The following ACACA variants were observed in gnomAD, a reference collection of about 807,000 sequenced individuals.
ACACA encodes the protein acetyl-CoA carboxylase alpha.
A neutral mutation model predicts 296.1 loss-of-function variants in ACACA; 103 were observed. That is an observed-to-expected ratio of 0.35 (90% confidence interval 0.30 to 0.41). The LOEUF is 0.41. Ranked by LOEUF, ACACA falls within the 10% of genes least tolerant of loss-of-function variation. The probability of loss-of-function intolerance (pLI) is 1.00; values close to 1 mark genes in which losing one functional copy is unlikely to be tolerated. For synonymous variants in ACACA, 953 were observed against 1,038.6 expected, an observed-to-expected ratio of 0.92 and a Z score of 1.58; for missense variants, 1,554 against 2,989.7, an observed-to-expected ratio of 0.52 and a Z score of 11.20.
intron 1 of ACACA, among the ~76,000 whole-genome samples, chr17:37,360,870 C>T (rs1447483572): frequency 1.3e-5 from 2 of 151,858 alleles, no homozygotes; most frequent in South Asian, 4.2e-4. Flanking sequence ...TTTGACTCAC[C>T]GAAAAAAATG....
chr17:37,388,907 T>C, intron 1 of ACACA: 1 of 1,358,624 alleles, frequency 7.4e-7, no homozygotes, highest in Non-Finnish European at 1.0e-6. Context: ...TGAGGAGATG[T>C]GCCACTCACA....
At chr17:37,298,968 A>T (rs1337326463) in intron 3 of ACACA, among the ~76,000 whole-genome samples, 1 of 152,188 alleles carries the variant, frequency 6.6e-6, no homozygotes, top group Non-Finnish European at 1.5e-5. Flanking sequence ...CCAGGGAGTA[A>T]ATCTGATACA....
intron 18 of ACACA, 167 bp downstream of exon 18, chr17:37,247,844 A>G (rs762524409): frequency 1.5e-5 from 11 of 739,344 alleles, no homozygotes; most frequent in Non-Finnish European, 2.4e-5. Flanking sequence ...TTTTAATTAT[A>G]AACACTTTAA....
At chr17:37,106,396 A>G (rs1473547636) in intron 52 of ACACA, among the ~76,000 whole-genome samples, 1 of 152,140 alleles carries the variant, frequency 6.6e-6, no homozygotes, top group African/African-American at 2.4e-5. Flanking sequence ...GCTTTTCTTC[A>G]AAGGGGGCCA....
intron 1 of ACACA, among the ~76,000 whole-genome samples, chr17:37,395,912 G>T (rs1475006445): frequency 2.0e-5 from 3 of 152,222 alleles, no homozygotes; most frequent in Non-Finnish European, 4.4e-5. Context: ...AAGATAGGTA[G>T]TTGCTTAGGG....
intron 52 of ACACA, among the ~76,000 whole-genome samples, chr17:37,107,646 C>A (rs560066281): frequency 6.6e-6 from 1 of 152,230 alleles, no homozygotes; most frequent in Non-Finnish European, 1.5e-5. Context: ...GGGCGCAGTG[C>A]GGTGCTGCAT....
chr17:37,205,978 C>T (rs2078481589), intron 32 of ACACA, 106 bp from the exon 33 acceptor site: 1 of 1,010,120 alleles, frequency 9.9e-7, no homozygotes, highest in African/African-American at 1.6e-5. Context: ...ATACACCCCA[C>T]AGGATATTTT....
chr17:37,196,123 G>A (rs1438299427), intron 35 of ACACA, among the ~76,000 whole-genome samples: 2 of 152,098 alleles, frequency 1.3e-5, no homozygotes, highest in East Asian at 1.9e-4. Flanking sequence ...ACTAATAATC[G>A]TGTTAAAAAC....
intron 3 of ACACA, among the ~76,000 whole-genome samples, chr17:37,310,811 A>AAG (rs1555639631): frequency 4.0e-5 from 6 of 149,376 alleles, no homozygotes; most frequent in Admixed American, 1.4e-4. Context: ...AAAAAAAAAA[A>AAG]AAAGAAAGAA....
intron 10 of ACACA, among the ~76,000 whole-genome samples, chr17:37,264,405 T>C (rs546751142): frequency 3.3e-5 from 5 of 152,252 alleles, no homozygotes; most frequent in Admixed American, 1.3e-4. Context: ...TCCCAATGAT[T>C]TTCAGCTTTC....
At chr17:37,227,364 C>T (rs1331625048) in intron 25 of ACACA, among the ~76,000 whole-genome samples, 1 of 151,998 alleles carries the variant, frequency 6.6e-6, no homozygotes, top group Non-Finnish European at 1.5e-5. Context: ...TTATTAACAC[C>T]ACACCATATA....
At chr17:37,332,758 A>G (rs1388184527) in intron 2 of ACACA, among the ~76,000 whole-genome samples, 1 of 152,032 alleles carries the variant, frequency 6.6e-6, no homozygotes, top group Non-Finnish European at 1.5e-5. Context: ...CTAAAAATAC[A>G]AAAATTAGCT....
chr17:37,302,132 C>T (rs1025888002), intron 3 of ACACA, among the ~76,000 whole-genome samples: 3 of 151,604 alleles, frequency 2.0e-5, no homozygotes, highest in African/African-American at 2.4e-5. Flanking sequence ...AACACCACCA[C>T]GCCCAGCTAA....
At chr17:37,376,393 T>C (rs2050002950) in intron 1 of ACACA, among the ~76,000 whole-genome samples, 1 of 152,246 alleles carries the variant, frequency 6.6e-6, no homozygotes, top group African/African-American at 2.4e-5. Context: ...CTTGTTCATG[T>C]AATTAACATT....
intron 3 of ACACA, among the ~76,000 whole-genome samples, chr17:37,294,763 G>T (rs900374226): frequency 6.6e-6 from 1 of 152,206 alleles, no homozygotes; most frequent in African/African-American, 2.4e-5. Context: ...TCTGCCTAGG[G>T]TGTCCCCTTT....
At chr17:37,132,828 T>G (rs2143543391) in intron 45 of ACACA, among the ~76,000 whole-genome samples, 1 of 152,334 alleles carries the variant, frequency 6.6e-6, no homozygotes, top group East Asian at 1.9e-4. Flanking sequence ...CTTTGCCTCC[T>G]CATTTAAAAG....
At chr17:37,329,919 C>T (rs1382927324) in intron 3 of ACACA, among the ~76,000 whole-genome samples, 2 of 151,956 alleles carry the variant, frequency 1.3e-5, no homozygotes, top group Non-Finnish European at 2.9e-5. Context: ...CCAGCTTGGG[C>T]AACAGAGCAA....
intron 9 of ACACA, among the ~76,000 whole-genome samples, chr17:37,272,286 T>C (rs1344374230): frequency 1.3e-5 from 2 of 152,102 alleles, no homozygotes; most frequent in Non-Finnish European, 2.9e-5. Flanking sequence ...GAGGTTGCGG[T>C]GAGCCAAGAT....
chr17:37,180,848 C>T (rs1272319564), intron 40 of ACACA, among the ~76,000 whole-genome samples: 1 of 152,134 alleles, frequency 6.6e-6, no homozygotes, highest in Non-Finnish European at 1.5e-5. Flanking sequence ...ACTAAAGTAT[C>T]AGATCTCCTT....
Sources: allele counts gnomAD v4.1 joint callset (sites outside exome capture counted in the v4.1 genomes callset), GRCh38; gene constraint gnomAD v4.1.1; transcripts MANE v1.5; gene names NCBI Gene and HGNC (gene_info 2026-07-23, HGNC 2026-07-21).